The following LRP6 variants were observed in gnomAD, a reference collection of about 807,000 sequenced individuals.
LRP6 encodes LDL receptor related protein 6.
Under a neutral mutation model 184.1 loss-of-function variants are expected in LRP6, and 43 were observed. That is an observed-to-expected ratio of 0.23 (90% CI 0.18 to 0.30). LRP6 has a LOEUF of 0.30. Ranked by LOEUF, LRP6 falls within the 10% of genes least tolerant of loss-of-function variation. The pLI, the probability that LRP6 is intolerant of heterozygous loss-of-function variation, is 1.00. For synonymous variants in LRP6, 719 were observed against 684.9 expected (o/e 1.05, Z -0.78); for missense variants, 1,571 against 2,005.3 (o/e 0.78, Z 4.14).
At chr12:12,245,196 A>G (rs1467861715) in intron 1 of LRP6, among the ~76,000 whole-genome samples, 1 of 152,206 alleles carries the variant, frequency 6.6e-6, no homozygotes, top group Non-Finnish European at 1.5e-5. Flanking sequence ...AATCAACCCA[A>G]ATGTCATCAA....
intron 3 of LRP6, among the ~76,000 whole-genome samples, chr12:12,190,506 T>C (rs189135557): frequency 1.1e-3 from 165 of 152,342 alleles, no homozygotes; most frequent in Non-Finnish European, 4.6e-4. Flanking sequence ...TGCAACTTAC[T>C]GATAAAGCTC....
At chr12:12,199,115 C>T (rs1863847050) in intron 3 of LRP6, among the ~76,000 whole-genome samples, 1 of 151,298 alleles carries the variant, frequency 6.6e-6, no homozygotes, top group African/African-American at 2.4e-5. Context: ...AAAGAATGGG[C>T]TATTTAAGCA....
chr12:12,176,774 A>G (rs1863194420), intron 7 of LRP6, among the ~76,000 whole-genome samples: 1 of 151,996 alleles, frequency 6.6e-6, no homozygotes, highest in Non-Finnish European at 1.5e-5. Context: ...CTATATAAAT[A>G]ATTTACCAAA....
chr12:12,155,401 C>T (rs1176539401), intron 12 of LRP6: 9 of 819,938 alleles, frequency 1.1e-5, no homozygotes, highest in East Asian at 2.4e-5. Flanking sequence ...GGAATGGGTA[C>T]TGTTCAAAAG....
chr12:12,220,971 C>A (rs1004831106), intron 2 of LRP6, among the ~76,000 whole-genome samples: 8 of 152,172 alleles, frequency 5.3e-5, no homozygotes, highest in Non-Finnish European at 1.5e-5. Context: ...AACTTCAACC[C>A]TTGCTCTGAC....
chr12:12,248,263 T>A (rs1865236133), intron 1 of LRP6, among the ~76,000 whole-genome samples: 1 of 152,092 alleles, frequency 6.6e-6, no homozygotes, highest in South Asian at 2.1e-4. Flanking sequence ...CTTGCTATTG[T>A]TTTGTTTTAA....
Position 12,266,934 on chromosome 12 carries a change from C to A in LRP6, c.-199G>T. On this transcript the variant is annotated 5_prime_UTR_variant, in exon 1 of 23. Coordinates refer to ENST00000261349, the MANE Select transcript of LRP6 (RefSeq NM_002336.3). Reference sequence around the variant, plus strand: ...CTCTACCGCGCCGCTCGGCCCCGGGCTCGCGCGACGCCAGCGTCTGCTTCC... The same window carrying A: ...CTCTACCGCGCCGCTCGGCCCCGGGATCGCGCGACGCCAGCGTCTGCTTCC... The A allele has an allele frequency of 1.7e-6, 1 of 586,872 alleles. No individual in the cohort carries two copies. The highest frequency in any genetic ancestry group is 3.1e-5 in the East Asian group (1 of 32,730). The allele number at this position is 586,872 out of a possible 1,614,324, so 36.4% of individuals were successfully genotyped here.
chr12:12,147,696 GCA>G (rs1260369229), intron 14 of LRP6, 140 bp from the exon 15 acceptor site: 2 of 721,486 alleles, frequency 2.8e-6, no homozygotes, highest in South Asian at 3.5e-5. Flanking sequence ...TTTTGACCAG[GCA>G]CAGTGGCTCA....
intron 10 of LRP6, among the ~76,000 whole-genome samples, chr12:12,161,392 A>T (rs1862738298): frequency 6.6e-6 from 1 of 152,086 alleles, no homozygotes; most frequent in South Asian, 2.1e-4. Context: ...TTTAGCCTCC[A>T]GAGTAGCTGG....
intron 2 of LRP6, among the ~76,000 whole-genome samples, chr12:12,234,348 G>T (rs1265059413): frequency 6.6e-6 from 1 of 152,046 alleles, no homozygotes; most frequent in African/African-American, 2.4e-5. Flanking sequence ...TACTTGAGAG[G>T]CTGAGGCCAA....
intron 2 of LRP6, among the ~76,000 whole-genome samples, chr12:12,204,301 A>AG (rs769254470): frequency 0.06 from 8,084 of 135,594 alleles, 323 homozygotes; most frequent in Non-Finnish European, 0.085. Flanking sequence ...AAAAAAAAGG[A>AG]GGGGGGGGTC....
At chr12:12,160,016 G>T in intron 10 of LRP6, 52 bp from the exon 11 acceptor site, 1 of 1,327,174 alleles carries the variant, frequency 7.5e-7, no homozygotes, top group Non-Finnish European at 1.1e-6. Flanking sequence ...TTATCTGGGG[G>T]AAAGAGTCAT....
At chr12:12,240,562 ACTC>A (rs1865038025) in intron 2 of LRP6, among the ~76,000 whole-genome samples, 1 of 152,034 alleles carries the variant, frequency 6.6e-6, no homozygotes, top group African/African-American at 2.4e-5. Context: ...ACAGAGTGAG[ACTC>A]CATCTCAAAA....
At chr12:12,123,795 A>G (rs146851737) in intron 22 of LRP6, among the ~76,000 whole-genome samples, 2 of 152,344 alleles carry the variant, frequency 1.3e-5, no homozygotes, top group African/African-American at 4.8e-5. Context: ...TCTTTATTCC[A>G]TGCAACTACA....
rs150190776 is a variant in LRP6 at position 12,138,896 on chromosome 12, G to A, written c.3398-362C>T. 1.8e-3 allele frequency: 2,428 copies of A among 1,371,648 alleles called. 3 individuals are homozygous for A. Among genetic ancestry groups the A allele is most frequent in the Admixed American group, 3.1e-3 (161 of 52,658 alleles). 85.0% of individuals were successfully genotyped at this position (1,371,648 alleles called of 1,614,324 possible). On this transcript the variant is annotated intron_variant, in intron 15 of 22. Transcript: ENST00000261349. ...TGGACCCAGAGTTCTGAGTATACCT[G>A]AGGCATTTATGAAGAACAGCTTCAC...
At chr12:12,259,110 A>T (rs1865547323) in intron 1 of LRP6, among the ~76,000 whole-genome samples, 1 of 152,084 alleles carries the variant, frequency 6.6e-6, no homozygotes, top group Admixed American at 6.6e-5. Context: ...AAAAACACAA[A>T]AATTAGGTAG....
At chr12:12,232,207 C>A (rs891274004) in intron 2 of LRP6, among the ~76,000 whole-genome samples, 1 of 151,560 alleles carries the variant, frequency 6.6e-6, no homozygotes, top group Non-Finnish European at 1.5e-5. Flanking sequence ...CATGGTGAAA[C>A]CCTGTCTCTA....
At chr12:12,123,583 G>A (rs1222605946) in intron 22 of LRP6, among the ~76,000 whole-genome samples, 1 of 152,200 alleles carries the variant, frequency 6.6e-6, no homozygotes, top group Non-Finnish European at 1.5e-5. Context: ...CTTGAGGGAT[G>A]CCCATGAACC....
At chr12:12,264,921 A>C (rs1865718762) in intron 1 of LRP6, among the ~76,000 whole-genome samples, 1 of 152,206 alleles carries the variant, frequency 6.6e-6, no homozygotes, top group South Asian at 2.1e-4. Flanking sequence ...TTGTTACATA[A>C]ATAAGTGCAA....
Sources: allele counts gnomAD v4.1 joint callset (sites outside exome capture counted in the v4.1 genomes callset), GRCh38; gene constraint gnomAD v4.1.1; transcripts MANE v1.5; gene names NCBI Gene and HGNC (gene_info 2026-07-23, HGNC 2026-07-21).